PKHD1L1: variants seen among roughly 807,000 people sequenced by gnomAD.
PKHD1L1 encodes fibrocystin-L.
A neutral mutation model predicts 462.9 loss-of-function variants in PKHD1L1; 434 were observed. The observed-to-expected ratio is 0.94, with a 90% CI of 0.87 to 1.02. The LOEUF (loss-of-function observed/expected upper bound fraction) is 1.02, where lower values mean the gene tolerates loss of function less well. PKHD1L1 is among the 50% of genes least tolerant of loss of function. The pLI is 0.00. For synonymous variants in PKHD1L1, 1,781 were observed against 1,750.0 expected, an observed-to-expected ratio of 1.02 and a Z score of -0.44; for missense variants, 5,202 against 5,096.1, an observed-to-expected ratio of 1.02 and a Z score of -0.63.
chr8:109,406,253 G>C (rs1586444646), intron 16 of PKHD1L1, 82 bp from the exon 17 acceptor site: 2 of 1,326,530 alleles, frequency 1.5e-6, no homozygotes, highest in East Asian at 2.6e-5. Flanking sequence ...ATATAAATAC[G>C]AGACATCAGT....
At chr8:109,443,980 A>G (rs764694308) in intron 37 of PKHD1L1, 78 bp downstream of exon 37, 30 of 1,240,140 alleles carry the variant, frequency 2.4e-5, no homozygotes, top group Non-Finnish European at 3.2e-5. Flanking sequence ...CTTGTTATTT[A>G]ATTTTTACCA....
chr8:109,499,915 T>G (rs545381763), intron 67 of PKHD1L1, among the ~76,000 whole-genome samples: 1 of 152,216 alleles, frequency 6.6e-6, no homozygotes, highest in South Asian at 2.1e-4. Context: ...TCTGGTGAGG[T>G]GGGTAGGGGA....
At chr8:109,374,429 A>G (rs554374345) in intron 2 of PKHD1L1, among the ~76,000 whole-genome samples, 1 of 152,320 alleles carries the variant, frequency 6.6e-6, no homozygotes, top group African/African-American at 2.4e-5. Flanking sequence ...AATACAGCAC[A>G]CTGATGGGTC....
chr8:109,516,696 C>G (rs1820286859), intron 72 of PKHD1L1, among the ~76,000 whole-genome samples: 1 of 152,082 alleles, frequency 6.6e-6, no homozygotes, highest in African/African-American at 2.4e-5. Context: ...AGCGTTACTA[C>G]TTTTTATATA....
At chr8:109,433,042 A>G in intron 27 of PKHD1L1, 64 bp from the exon 28 acceptor site, 1 of 1,174,460 alleles carries the variant, frequency 8.5e-7, no homozygotes, top group Non-Finnish European at 1.2e-6. Flanking sequence ...GAAATGTCTG[A>G]TTTCATAACA....
chr8:109,390,451 G>A lies in PKHD1L1; in HGVS notation c.698-1G>A. 1 of 1,435,590 alleles carries A rather than the reference G, an allele frequency of 7.0e-7. No homozygotes were observed. The highest frequency in any genetic ancestry group is 9.4e-7 in the Non-Finnish European group (1 of 1,068,556). 88.9% of individuals were successfully genotyped at this position (1,435,590 alleles called of 1,614,324 possible). ...GATTGTGTATTTTCATTAAATTCCA[G>A]GTCATCACAATGTCAGCTTCATCTT... On this transcript the variant is annotated splice_acceptor_variant, in intron 8 of 77. Coordinates refer to ENST00000378402, the MANE Select transcript of PKHD1L1 (RefSeq NM_177531.6). LOFTEE classifies it high-confidence loss of function.
At chr8:109,384,374 A>C (rs958758381) in intron 5 of PKHD1L1, among the ~76,000 whole-genome samples, 11 of 152,088 alleles carry the variant, frequency 7.2e-5, no homozygotes, top group Non-Finnish European at 1.6e-4. Context: ...CCCTCTCTCT[A>C]AAAAATAAAA....
chr8:109,448,478 C>A, intron 39 of PKHD1L1, 87 bp downstream of exon 39: 6 of 1,255,974 alleles, frequency 4.8e-6, no homozygotes, highest in South Asian at 1.8e-5. Flanking sequence ...ATATGTTACT[C>A]AAACACATAA....
At position 109,534,662 on chromosome 8, in the gene PKHD1L1, C is replaced by T. The variant is rs969186199; in HGVS notation, c.*4572C>T. Among the ~76,000 whole-genome samples, 2 of 152,100 alleles carry T rather than the reference C, an allele frequency of 1.3e-5. No individual in the cohort carries two copies. The highest frequency in any genetic ancestry group is 4.8e-5 in the African/African-American group (2 of 41,404). On this transcript the variant is annotated 3_prime_UTR_variant, in exon 78 of 78. Transcript: ENST00000378402. The stretch of plus-strand genomic sequence containing the variant: ...ATTAAGATTTATTCCCCCAATTTCC[C>T]CTCCCCAGAGAGTAGCTACAGACAC...
chr8:109,375,387 T>C (rs1466034866), intron 2 of PKHD1L1, among the ~76,000 whole-genome samples: 3 of 152,242 alleles, frequency 2.0e-5, no homozygotes, highest in Non-Finnish European at 4.4e-5. Flanking sequence ...TTGGTTATTC[T>C]AGTTAGCCAT....
chr8:109,432,136 A>G (rs1387835447), intron 27 of PKHD1L1, among the ~76,000 whole-genome samples: 1 of 151,814 alleles, frequency 6.6e-6, no homozygotes, highest in African/African-American at 2.4e-5. Flanking sequence ...TCCCTTTTTT[A>G]TTGAATTGTC....
chr8:109,518,284 C>T lies in PKHD1L1; in HGVS notation c.11807C>T (p.Thr3936Ile), dbSNP rs1820374496. The change falls in exon 73 of 78, where the codon ACA becomes ATA. Residue 3936 changes from threonine to isoleucine, a missense_variant. This residue lies in a region of PKHD1L1 where 698 missense variants were observed against 736.3 expected (regional missense o/e 0.95). Transcript: ENST00000378402. ...ATACCTGTTGAAATTCACACTGCCA[C>T]AGTGATATTTGTTTCTTTCCAATTA... ...GTIPVEIHTA[T>I]VIFVSFQLSV... 6.2e-7 allele frequency: 1 copy of T among 1,611,686 alleles called. No homozygotes were observed. The highest frequency in any genetic ancestry group is 8.5e-7 in the Non-Finnish European group (1 of 1,178,030).
chr8:109,400,645 T>C (rs938336915), intron 13 of PKHD1L1, among the ~76,000 whole-genome samples: 2 of 152,118 alleles, frequency 1.3e-5, no homozygotes, highest in Non-Finnish European at 2.9e-5. Context: ...ATTTCATATG[T>C]AGTTTTTCAC....
intron 72 of PKHD1L1, 113 bp from the exon 73 acceptor site, chr8:109,518,054 G>A: frequency 1.4e-6 from 1 of 713,432 alleles, no homozygotes; most frequent in East Asian, 2.8e-5. Context: ...ATGAAAGAAT[G>A]ATAAAGTTGA....
At chr8:109,396,656 G>A (rs6469259) in intron 11 of PKHD1L1, among the ~76,000 whole-genome samples, 3,631 of 152,254 alleles carry the variant, frequency 0.024, 138 homozygotes, top group African/African-American at 0.083. Context: ...TCCATGTAGG[G>A]CTTGGCTCTG....
Position 109,479,600 on chromosome 8 carries a change from A to G in PKHD1L1, c.9139A>G (p.Thr3047Ala), listed in dbSNP as rs748613906. Residue 3047 changes from threonine to alanine, a missense_variant, in exon 54 of 78, where the codon ACT (threonine) becomes GCT (alanine). Physicochemically the swap from Thr to Ala is moderately conservative, Grantham distance 58. Coordinates refer to ENST00000378402, the MANE Select transcript of PKHD1L1 (RefSeq NM_177531.6). ...GCAATCATCACGAGAAAATAATTAT[A>G]CTGTACCTCACCCAGGGGCAAATGT... ...FWQSSRENNY[T>A]VPHPGANVII... is the part of the protein sequence containing the mutation. The G allele has an allele frequency of 8.5e-6, 13 of 1,538,054 alleles. No individual in the cohort carries two copies. The highest frequency in any genetic ancestry group is 1.1e-5 in the Non-Finnish European group (12 of 1,118,792).
At chr8:109,439,428 C>G (rs1430464309) in intron 32 of PKHD1L1, among the ~76,000 whole-genome samples, 1 of 152,094 alleles carries the variant, frequency 6.6e-6, no homozygotes, top group Non-Finnish European at 1.5e-5. Flanking sequence ...AGTGGCATCT[C>G]CCCTGCATTA....
At chr8:109,430,681 C>A (rs116145539) in intron 27 of PKHD1L1, among the ~76,000 whole-genome samples, 1,898 of 151,952 alleles carry the variant, frequency 0.012, 35 homozygotes, top group African/African-American at 0.037. Context: ...AAAATAAACT[C>A]ATATGCTATA....
At chr8:109,490,095 T>C (rs1027454534) in intron 60 of PKHD1L1, 40 bp downstream of exon 60, 17 of 1,242,730 alleles carry the variant, frequency 1.4e-5, no homozygotes, top group Non-Finnish European at 1.7e-5. Context: ...ATTAAAAATA[T>C]GCAAAATATT....
Sources: gnomAD v4.1 joint callset for allele counts (sites outside exome capture counted in the v4.1 genomes callset) on GRCh38, gnomAD v4.1.1 for gene constraint, gnomAD v4.1.1 regional missense constraint, MANE v1.5 for transcripts, NCBI Gene and HGNC (gene_info 2026-07-23, HGNC 2026-07-21) for gene names.